LUZP2: variants seen among roughly 807,000 people sequenced by gnomAD.
LUZP2 encodes the protein leucine zipper protein 2.
A neutral mutation model predicts 51.6 loss-of-function variants in LUZP2; 52 were observed. The observed-to-expected ratio is 1.01, with a 90% CI of 0.81 to 1.27. The LOEUF (loss-of-function observed/expected upper bound fraction) is 1.27. Ranked by LOEUF, LUZP2 falls within the 50% of genes most tolerant of loss-of-function variation. The pLI, the probability that LUZP2 is intolerant of heterozygous loss-of-function variation, is 0.00. For synonymous variants in LUZP2, 154 were observed against 137.3 expected, an observed-to-expected ratio of 1.12 and a Z score of -0.85; for missense variants, 436 against 395.4, an observed-to-expected ratio of 1.10 and a Z score of -0.87.
At chr11:24,651,879 A>G (rs535276085) in intron 1 of LUZP2, among the ~76,000 whole-genome samples, 46 of 152,216 alleles carry the variant, frequency 3.0e-4, no homozygotes, top group Non-Finnish European at 6.3e-4. Flanking sequence ...ACTCTTCCCT[A>G]TGTCTTCAGC....
intron 7 of LUZP2, among the ~76,000 whole-genome samples, chr11:24,937,220 G>A (rs185915566): frequency 2.0e-5 from 3 of 152,288 alleles, no homozygotes; most frequent in African/African-American, 7.2e-5. Flanking sequence ...TAGAAGCATT[G>A]TCTACTGAAT....
chr11:24,871,915 A>G (rs16913444), intron 5 of LUZP2, among the ~76,000 whole-genome samples: 4,530 of 152,202 alleles, frequency 0.03, 207 homozygotes, highest in African/African-American at 0.096. Context: ...TGATGTCTGC[A>G]TAAGATTACC....
At position 25,018,658 on chromosome 11, in the gene LUZP2, A is replaced by G. The variant is rs1179445327; in HGVS notation, c.766-31380A>G. On this transcript the variant is annotated intron_variant, in intron 9 of 11. Coordinates refer to ENST00000336930, the MANE Select transcript of LUZP2 (RefSeq NM_001009909.4). ...ACTCTCACTCTGTTGCCCAGGCTGG[A>G]GTGCAGGACCATGATCTCAGCTCAC... Among the ~76,000 whole-genome samples, 6 of 135,344 alleles carry G rather than the reference A, an allele frequency of 4.4e-5. No individual in the cohort carries two copies. In the East Asian group the frequency reaches 1.1e-3, roughly 25 times the overall value. The allele number at this position is 135,344 out of a possible 152,430, so 88.8% of individuals were successfully genotyped here.
chr11:24,616,826 T>C (rs1209607491), intron 1 of LUZP2, among the ~76,000 whole-genome samples: 2 of 152,188 alleles, frequency 1.3e-5, no homozygotes, highest in Non-Finnish European at 2.9e-5. Flanking sequence ...TCTATAAAAA[T>C]GTTCCTAAGA....
intron 7 of LUZP2, among the ~76,000 whole-genome samples, chr11:24,932,493 A>G (rs547395429): frequency 7.2e-4 from 109 of 152,196 alleles, no homozygotes; most frequent in African/African-American, 2.5e-3. Context: ...TATGAGGGAT[A>G]GGGGTGTGGT....
At chr11:24,664,505 G>T (rs1308016978) in intron 1 of LUZP2, among the ~76,000 whole-genome samples, 1 of 151,998 alleles carries the variant, frequency 6.6e-6, no homozygotes, top group Non-Finnish European at 1.5e-5. Flanking sequence ...TGTCTCCAGG[G>T]CATGTCAGAG....
At chr11:25,050,249 G>A (rs905328493) in intron 10 of LUZP2, 119 bp downstream of exon 10, 29 of 306,510 alleles carry the variant, frequency 9.5e-5, no homozygotes, top group African/African-American at 6.5e-4. Flanking sequence ...ACTATCTAAG[G>A]ATTGTACTTT....
At chr11:24,894,823 G>A (rs1852983998) in intron 5 of LUZP2, among the ~76,000 whole-genome samples, 1 of 152,140 alleles carries the variant, frequency 6.6e-6, no homozygotes, top group African/African-American at 2.4e-5. Context: ...TTAACTGGGG[G>A]CAATTGAGAA....
chr11:24,560,010 A>G (rs1018465056), intron 1 of LUZP2, among the ~76,000 whole-genome samples: 4 of 152,136 alleles, frequency 2.6e-5, no homozygotes, highest in African/African-American at 9.7e-5. Flanking sequence ...GCATTAAGAG[A>G]AATACCTAAT....
At chr11:25,004,494 T>A (rs1201491422) in intron 9 of LUZP2, among the ~76,000 whole-genome samples, 2 of 152,118 alleles carry the variant, frequency 1.3e-5, no homozygotes, top group Admixed American at 1.3e-4. Flanking sequence ...CCTCCAGATT[T>A]TGTTCAGGGC....
At position 24,800,233 on chromosome 11, in the gene LUZP2, T is replaced by G. The variant is rs554501196; in HGVS notation, c.396+36925T>G. Among the ~76,000 whole-genome samples the G allele has an allele frequency of 5.9e-5, 9 of 152,220 alleles. No homozygotes were observed. The South Asian group carries it at 1.7e-3, about 28-fold the overall frequency. ...TGAAGGTGATAACGGATAAGCTTTT[T>G]CTCTTGCAGAATTCTTGGTGATACT... On this transcript the variant is annotated intron_variant, in intron 5 of 11. Coordinates refer to ENST00000336930, the MANE Select transcript of LUZP2 (RefSeq NM_001009909.4).
chr11:24,648,920 T>C (rs990173878), intron 1 of LUZP2, among the ~76,000 whole-genome samples: 1 of 151,936 alleles, frequency 6.6e-6, no homozygotes, highest in Non-Finnish European at 1.5e-5. Context: ...ATGACCCCTC[T>C]AAATATTTTC....
At chr11:24,939,057 T>TTCTC (rs372624492) in intron 7 of LUZP2, among the ~76,000 whole-genome samples, 1 of 151,634 alleles carries the variant, frequency 6.6e-6, no homozygotes, top group Non-Finnish European at 1.5e-5. Flanking sequence ...GAAAGGATTT[T>TTCTC]TCTCTCTCTC....
chr11:24,560,630 T>A lies in LUZP2; in HGVS notation c.62+63325T>A, dbSNP rs181038294. Among the ~76,000 whole-genome samples, 360 of 152,236 alleles carry A rather than the reference T, an allele frequency of 2.4e-3. 1 individual carries two copies. Among genetic ancestry groups the A allele is most frequent in the Admixed American group, 3.7e-3 (56 of 15,266 alleles). On this transcript the variant is annotated intron_variant, in intron 1 of 11. Coordinates refer to ENST00000336930, the MANE Select transcript of LUZP2 (RefSeq NM_001009909.4). ...TCTTTGCCCCATCCCCAAAGACTCTTTTAAATCGTTTGGTATAGGGTTCTC... is the reference window on the plus strand; with the variant it reads ...TCTTTGCCCCATCCCCAAAGACTCTATTAAATCGTTTGGTATAGGGTTCTC...
At chr11:24,990,077 T>A (rs1370380526) in intron 9 of LUZP2, among the ~76,000 whole-genome samples, 1 of 152,076 alleles carries the variant, frequency 6.6e-6, no homozygotes, top group Non-Finnish European at 1.5e-5. Context: ...CTATGCCCCC[T>A]TTCTTACAAT....
intron 5 of LUZP2, among the ~76,000 whole-genome samples, chr11:24,792,643 A>C (rs1057060854): frequency 6.6e-6 from 1 of 152,172 alleles, no homozygotes; most frequent in Non-Finnish European, 1.5e-5. Flanking sequence ...GCCAAGTAGT[A>C]AAAAGGAGAG....
chr11:24,532,007 A>G (rs534491689), intron 1 of LUZP2, among the ~76,000 whole-genome samples: 7 of 151,084 alleles, frequency 4.6e-5, no homozygotes, highest in Non-Finnish European at 1.5e-5. Context: ...TAAATGAAGA[A>G]TTCTGTTTTT....
chr11:24,502,453 C>T (rs977786829), intron 1 of LUZP2, among the ~76,000 whole-genome samples: 2 of 149,602 alleles, frequency 1.3e-5, no homozygotes, highest in Non-Finnish European at 2.9e-5. Context: ...GGTGCCATCT[C>T]GGCTCCCTGC....
At chr11:25,004,790 C>A (rs1313635355) in intron 9 of LUZP2, among the ~76,000 whole-genome samples, 1 of 152,114 alleles carries the variant, frequency 6.6e-6, no homozygotes, top group Non-Finnish European at 1.5e-5. Flanking sequence ...AGTTGAGGTC[C>A]CAGTGGGGAT....
Sources: allele counts gnomAD v4.1 joint callset (sites outside exome capture counted in the v4.1 genomes callset), GRCh38; gene constraint gnomAD v4.1.1; transcripts MANE v1.5; gene names NCBI Gene and HGNC (gene_info 2026-07-23, HGNC 2026-07-21).